The following UHRF2 variants were observed in gnomAD, a reference collection of about 807,000 sequenced individuals.
UHRF2 encodes the protein E3 ubiquitin-protein ligase UHRF2.
Under a neutral mutation model 96.8 loss-of-function variants are expected in UHRF2, and 23 were observed. The ratio of observed to expected loss-of-function variants is 0.24; its 90% CI spans 0.17 to 0.34. The LOEUF is 0.34. Ranked by LOEUF, UHRF2 falls within the 10% of genes least tolerant of loss-of-function variation. UHRF2 has a pLI of 1.00. For missense variants in UHRF2, 685 were observed against 981.5 expected, an observed-to-expected ratio of 0.70 and a Z score of 4.04; for synonymous variants, 385 against 332.6, an observed-to-expected ratio of 1.16 and a Z score of -1.72.
chr9:6,413,896 T>G, intron 1 of UHRF2: 1 of 370,018 alleles, frequency 2.7e-6, no homozygotes, highest in Non-Finnish European at 4.8e-6. Context: ...CGCAAATATC[T>G]CGCCGTTTGT....
At chr9:6,439,805 C>T (rs1225922300) in intron 3 of UHRF2, among the ~76,000 whole-genome samples, 1 of 152,098 alleles carries the variant, frequency 6.6e-6, no homozygotes, top group African/African-American at 2.4e-5. Flanking sequence ...CTCCCCTTAC[C>T]CAAACCCTGG....
intron 5 of UHRF2, 146 bp from the exon 6 acceptor site, chr9:6,477,476 A>G (rs1221906935): frequency 3.1e-6 from 2 of 644,430 alleles, no homozygotes; most frequent in Non-Finnish European, 5.0e-6. Flanking sequence ...CAGTGAGCCA[A>G]GATCACGCCA....
In UHRF2 at chr9:6,434,105, A is replaced by G; in HGVS notation, c.576A>G (p.Val192=). The change falls in exon 3 of 16, where the codon GTA becomes GTG. Residue 192 remains valine, a synonymous_variant. Transcript: ENST00000276893. ...AGAACACAAATAAATTGGACAGTGT[A>G]CCCTCTACGTCTAATTCAGACTGTG... ...SKENTNKLDS[V]PSTSNSDCVA... The G allele has an allele frequency of 6.2e-7, 1 of 1,614,126 alleles. No individual in the cohort carries two copies.
chr9:6,484,905 T>C (rs1011471255), intron 8 of UHRF2, among the ~76,000 whole-genome samples: 2 of 147,122 alleles, frequency 1.4e-5, no homozygotes, highest in Non-Finnish European at 3.0e-5. Context: ...GCAATTCTCC[T>C]GCCTCAGCCT....
intron 3 of UHRF2, among the ~76,000 whole-genome samples, chr9:6,452,193 G>T (rs1183113301): frequency 1.3e-5 from 2 of 151,924 alleles, no homozygotes; most frequent in African/African-American, 4.8e-5. Flanking sequence ...TTATCTTAAG[G>T]GTTTCTGTTA....
intron 9 of UHRF2, 43 bp downstream of exon 9, chr9:6,486,968 C>A: frequency 6.3e-7 from 1 of 1,579,690 alleles, no homozygotes; most frequent in African/African-American, 1.3e-5. Flanking sequence ...CTGCCTTGAC[C>A]ATTTGTAAAA....
chr9:6,414,819 C>A (rs138282715), intron 1 of UHRF2, among the ~76,000 whole-genome samples: 2,483 of 152,046 alleles, frequency 0.016, 68 homozygotes, highest in African/African-American at 0.057. Context: ...TTTTTTTTCC[C>A]CTTTCCTTCT....
intron 3 of UHRF2, among the ~76,000 whole-genome samples, chr9:6,444,568 C>T (rs753931819): frequency 1.8e-4 from 28 of 152,172 alleles, no homozygotes; most frequent in Non-Finnish European, 2.9e-4. Flanking sequence ...TCCCTGCTTC[C>T]TCATTGTGTG....
chr9:6,451,529 T>G (rs886164928), intron 3 of UHRF2, among the ~76,000 whole-genome samples: 1 of 151,700 alleles, frequency 6.6e-6, no homozygotes, highest in African/African-American at 2.4e-5. Context: ...CAGGTTGGAG[T>G]GCAGTGGCGC....
At chr9:6,465,738 T>C (rs755331434) in intron 4 of UHRF2, among the ~76,000 whole-genome samples, 1 of 152,188 alleles carries the variant, frequency 6.6e-6, no homozygotes, top group African/African-American at 2.4e-5. Context: ...CTCTATTGTA[T>C]TGAAGGTGCA....
chr9:6,447,822 G>C (rs933476607), intron 3 of UHRF2, among the ~76,000 whole-genome samples: 4 of 152,148 alleles, frequency 2.6e-5, no homozygotes, highest in Non-Finnish European at 4.4e-5. Context: ...ACCTATGTAC[G>C]AGAAGCCAAC....
chr9:6,459,604 A>G (rs513526), intron 3 of UHRF2, among the ~76,000 whole-genome samples: 72,379 of 152,070 alleles, frequency 0.48, 18,271 homozygotes, highest in South Asian at 0.59. Context: ...AGGAGGTGGA[A>G]GTGGCAGTGA....
chr9:6,495,462 A>G (rs1824910683), intron 10 of UHRF2: 1 of 152,230 alleles, frequency 6.6e-6, no homozygotes, highest in Admixed American at 6.5e-5. Flanking sequence ...GGTGAAAGGC[A>G]CTTTGCTCTG....
At chr9:6,468,693 G>C (rs1281839806) in intron 4 of UHRF2, 1 of 456,018 alleles carries the variant, frequency 2.2e-6, no homozygotes, top group Admixed American at 2.3e-5. Flanking sequence ...CTGGACAAGA[G>C]GCTGGAAATG....
intron 4 of UHRF2, chr9:6,468,651 C>G (rs549843171): frequency 1.1e-4 from 51 of 455,994 alleles, no homozygotes; most frequent in African/African-American, 9.2e-4. Flanking sequence ...CCTGCTTTCA[C>G]CTTTGGGCTT....
intron 13 of UHRF2, among the ~76,000 whole-genome samples, chr9:6,500,182 G>A (rs1816211206): frequency 6.6e-6 from 1 of 152,024 alleles, no homozygotes; most frequent in African/African-American, 2.4e-5. Flanking sequence ...TGCCCAAGCT[G>A]GTCTTGAACT....
chr9:6,460,700 G>C lies in UHRF2; in HGVS notation c.772G>C (p.Gly258Arg). The C allele has an allele frequency of 6.2e-7, 1 of 1,613,802 alleles. No homozygotes were observed. The highest frequency in any genetic ancestry group is 8.5e-7 in the Non-Finnish European group (1 of 1,179,928). Residue 258 changes from glycine to arginine, a missense_variant, in exon 4 of 16, where the codon GGA becomes CGA. Gly to Arg is a moderately radical substitution (Grantham distance 125). Coordinates refer to ENST00000276893, the MANE Select transcript of UHRF2 (RefSeq NM_152896.3). ...GGTTAATTATAATGTAGAAAGTCCTGGACAAAGAGGATTCTGGTTTGATGC... is the reference window on the plus strand; with the variant it reads ...GGTTAATTATAATGTAGAAAGTCCTCGACAAAGAGGATTCTGGTTTGATGC... ...VMVNYNVESP[G>R]QRGFWFDAEI... is the part of the protein sequence containing the mutation.
chr9:6,488,178 G>A (rs976008227), intron 9 of UHRF2, among the ~76,000 whole-genome samples: 7 of 144,640 alleles, frequency 4.8e-5, no homozygotes, highest in African/African-American at 1.8e-4. Context: ...AGGAGGTCGA[G>A]GCTGTAGTGA....
At chr9:6,468,760 A>G (rs1377600959) in intron 4 of UHRF2, 1 of 450,306 alleles carries the variant, frequency 2.2e-6, no homozygotes, top group East Asian at 7.0e-5. Context: ...TTTTAGGGTA[A>G]CTGGTGTAAT....
Sources: allele counts gnomAD v4.1 joint callset (sites outside exome capture counted in the v4.1 genomes callset), GRCh38; gene constraint gnomAD v4.1.1; transcripts MANE v1.5; gene names NCBI Gene and HGNC (gene_info 2026-07-23, HGNC 2026-07-21).